FBXL17: variants seen among roughly 807,000 people sequenced by gnomAD.
The protein encoded by FBXL17 is F-box/LRR-repeat protein 17.
Under a neutral mutation model 66.2 loss-of-function variants are expected in FBXL17, and 22 were observed. The observed-to-expected ratio is 0.33, with a 90% CI of 0.24 to 0.47. The LOEUF (loss-of-function observed/expected upper bound fraction) is 0.47, where lower values mean the gene tolerates loss of function less well. Among genes scored for constraint, FBXL17 ranks in the 20% least tolerant of loss-of-function variants. FBXL17 has a pLI of 1.00. For synonymous variants in FBXL17, 474 were observed against 400.5 expected (o/e 1.18, Z -2.19); for missense variants, 878 against 948.2 (o/e 0.93, Z 0.97).
chr5:108,281,428 G>A (rs749395692), intron 4 of FBXL17, among the ~76,000 whole-genome samples: 6 of 151,852 alleles, frequency 4.0e-5, no homozygotes, highest in East Asian at 1.9e-4. Flanking sequence ...ACATACTCCT[G>A]AATGAACACT....
intron 4 of FBXL17, among the ~76,000 whole-genome samples, chr5:108,323,117 A>G (rs570434098): frequency 6.6e-6 from 1 of 151,950 alleles, no homozygotes; most frequent in South Asian, 2.1e-4. Context: ...ATTAGAGGGG[A>G]AAAAAAGAAA....
At chr5:107,883,731 C>T (rs1748870160) in intron 7 of FBXL17, among the ~76,000 whole-genome samples, 2 of 152,154 alleles carry the variant, frequency 1.3e-5, no homozygotes. Context: ...GCACATGCCT[C>T]GTACAGAGAA....
At position 108,298,165 on chromosome 5, in the gene FBXL17, T is replaced by C. The variant is rs188416472; in HGVS notation, c.1506+50234A>G. 21 of 975,368 alleles carry C rather than the reference T, an allele frequency of 2.2e-5. No homozygotes were observed. In the East Asian group the frequency reaches 2.2e-3, roughly 101 times the overall value. The allele number at this position is 975,368 out of a possible 1,614,324, so 60.4% of individuals were successfully genotyped here. ...TTTTTAGGGAGCAAGAAACATAAAG[T>C]ACCCTAGAAATTCTAGAAAGTACAG... On this transcript the variant is annotated intron_variant, in intron 4 of 8. Coordinates refer to ENST00000542267, the MANE Select transcript of FBXL17 (RefSeq NM_001163315.3).
At chr5:107,969,315 A>T (rs532832961) in intron 7 of FBXL17, among the ~76,000 whole-genome samples, 1 of 152,250 alleles carries the variant, frequency 6.6e-6, no homozygotes, top group African/African-American at 2.4e-5. Flanking sequence ...TGATTAGTAC[A>T]CTTTAGTATA....
At chr5:108,194,937 A>G (rs1477768787) in intron 5 of FBXL17, among the ~76,000 whole-genome samples, 1 of 152,218 alleles carries the variant, frequency 6.6e-6, no homozygotes, top group African/African-American at 2.4e-5. Context: ...AGCATAATTG[A>G]TTTTTAAAAA....
chr5:108,180,544 T>G (rs1429843939), intron 6 of FBXL17, among the ~76,000 whole-genome samples: 1 of 152,068 alleles, frequency 6.6e-6, no homozygotes, highest in Non-Finnish European at 1.5e-5. Context: ...ATAGGTACTA[T>G]TTTAACCTCT....
chr5:108,357,411 T>C (rs1748070818), intron 3 of FBXL17, among the ~76,000 whole-genome samples: 1 of 152,038 alleles, frequency 6.6e-6, no homozygotes, highest in Non-Finnish European at 1.5e-5. Context: ...TCCTTCTATC[T>C]GAAATGGAAA....
rs561860895 is a variant in FBXL17 at position 108,364,668 on chromosome 5, T to C, written c.1374+70A>G. 56 of 1,248,586 alleles carry C rather than the reference T, an allele frequency of 4.5e-5. 2 individuals are homozygous for C. The South Asian group carries it at 7.3e-4, about 16-fold the overall frequency. The allele number at this position is 1,248,586 out of a possible 1,614,324, so 77.3% of individuals were successfully genotyped here. ...GGGAACTATTTTTAACGTAACCATT[T>C]AAAATGTTGTTGCTAGAAAACATTT... On this transcript the variant is annotated intron_variant, in intron 3 of 8. Transcript: ENST00000542267.
chr5:108,004,532 G>A (rs1268280205), intron 7 of FBXL17, among the ~76,000 whole-genome samples: 3 of 152,076 alleles, frequency 2.0e-5, no homozygotes, highest in African/African-American at 7.2e-5. Flanking sequence ...GGTATGTCTG[G>A]TTGTCTCACA....
intron 8 of FBXL17, among the ~76,000 whole-genome samples, chr5:107,862,432 C>A (rs889127590): frequency 4.6e-5 from 7 of 152,076 alleles, no homozygotes; most frequent in Non-Finnish European, 8.8e-5. Flanking sequence ...CCCAATAGAC[C>A]TTAACCATCA....
chr5:108,340,324 G>A (rs1012965558), intron 4 of FBXL17, among the ~76,000 whole-genome samples: 1 of 151,492 alleles, frequency 6.6e-6, no homozygotes, highest in South Asian at 2.1e-4. Context: ...GCCAAGGCAG[G>A]AGAATCGCTT....
chr5:107,950,492 T>C (rs1316449010), intron 7 of FBXL17, among the ~76,000 whole-genome samples: 2 of 152,148 alleles, frequency 1.3e-5, no homozygotes, highest in Non-Finnish European at 1.5e-5. Context: ...TTGAGATACA[T>C]ATAAATATGG....
Position 108,348,485 on chromosome 5 carries a change from A to T in FBXL17, c.1420T>A (p.Cys474Ser). Residue 474 changes from cysteine (C) to serine (S), a missense_variant, in exon 4 of 9, where the codon TGT becomes AGT. Physicochemically the swap from Cys to Ser is moderately radical, Grantham distance 112. Transcript: ENST00000542267. Reference sequence around the variant, plus strand: ...ATGCCTTCATCTGAGATCTTGTAACACTGGCCGAAATGAATATCTTTGAGT... The same window carrying T: ...ATGCCTTCATCTGAGATCTTGTAACTCTGGCCGAAATGAATATCTTTGAGT... ...RELKDIHFGQ[C>S]YKISDEGMIV... 1 of 1,613,772 alleles carries T rather than the reference A, an allele frequency of 6.2e-7. No individual in the cohort carries two copies. Among genetic ancestry groups the T allele is most frequent in the Non-Finnish European group, 8.5e-7 (1 of 1,179,790 alleles).
intron 6 of FBXL17, among the ~76,000 whole-genome samples, chr5:108,138,074 T>TA (rs1191737020): frequency 2.6e-5 from 4 of 152,302 alleles, no homozygotes; most frequent in Middle Eastern, 6.8e-3. Context: ...AAAGATAACT[T>TA]AAAGATTCTA....
intron 5 of FBXL17, among the ~76,000 whole-genome samples, chr5:108,199,237 C>G (rs746734713): frequency 1.1e-4 from 16 of 152,002 alleles, no homozygotes; most frequent in Non-Finnish European, 2.2e-4. Context: ...AACAAATAAA[C>G]AAGTACAGAC....
chr5:108,026,000 A>C (rs935687429), intron 6 of FBXL17, among the ~76,000 whole-genome samples: 1 of 152,188 alleles, frequency 6.6e-6, no homozygotes, highest in Non-Finnish European at 1.5e-5. Context: ...GCAGTAAACG[A>C]ATGGGTATAA....
intron 4 of FBXL17, among the ~76,000 whole-genome samples, chr5:108,328,353 G>A (rs780319599): frequency 2.6e-5 from 4 of 151,982 alleles, no homozygotes; most frequent in East Asian, 1.9e-4. Flanking sequence ...CACTAGGAAT[G>A]GAGATGAAGA....
intron 6 of FBXL17, among the ~76,000 whole-genome samples, chr5:108,146,345 G>A (rs1225465527): frequency 3.3e-5 from 5 of 151,376 alleles, no homozygotes; most frequent in East Asian, 1.9e-4. Flanking sequence ...ATATTCGAAC[G>A]AGGATTAATT....
chr5:108,111,090 T>C (rs1036029688), intron 6 of FBXL17, among the ~76,000 whole-genome samples: 1 of 152,092 alleles, frequency 6.6e-6, no homozygotes, highest in African/African-American at 2.4e-5. Context: ...CTGCTTGAAA[T>C]TCAGCAATCA....
Sources: gnomAD v4.1 joint callset for allele counts (sites outside exome capture counted in the v4.1 genomes callset) on GRCh38, gnomAD v4.1.1 for gene constraint, MANE v1.5 for transcripts, NCBI Gene and HGNC (gene_info 2026-07-23, HGNC 2026-07-21) for gene names.